Variants in TRIM37 observed in about 807,000 individuals in gnomAD.
TRIM37 encodes the protein E3 ubiquitin-protein ligase TRIM37.
TRIM37 carries 80 observed loss-of-function variants against 129.8 expected under a neutral mutation model. The ratio of observed to expected loss-of-function variants is 0.62; its 90% CI spans 0.51 to 0.74. The LOEUF (loss-of-function observed/expected upper bound fraction) is 0.74, where lower values mean the gene tolerates loss of function less well. Among genes scored for constraint, TRIM37 ranks in the 30% least tolerant of loss-of-function variants. The pLI, the probability that TRIM37 is intolerant of heterozygous loss-of-function variation, is 0.00. For missense variants in TRIM37, 1,054 were observed against 1,176.5 expected, an observed-to-expected ratio of 0.90 and a Z score of 1.52; for synonymous variants, 389 against 387.1, an observed-to-expected ratio of 1.00 and a Z score of -0.06.
intron 13 of TRIM37, among the ~76,000 whole-genome samples, chr17:59,055,382 CAT>C (rs900104472): frequency 1.1e-4 from 16 of 145,354 alleles, no homozygotes; most frequent in African/African-American, 2.6e-4. Flanking sequence ...GCAAATACCA[CAT>C]GTTCTCACTT....
At chr17:59,101,555 A>T (rs945377552) in intron 2 of TRIM37, among the ~76,000 whole-genome samples, 1 of 149,614 alleles carries the variant, frequency 6.7e-6, no homozygotes, top group African/African-American at 2.5e-5. Context: ...GCAGCGGCTC[A>T]TGCCTGTAAT....
At chr17:59,075,557 C>G (rs1242357042) in intron 8 of TRIM37, 90 bp downstream of exon 8, 18 of 815,320 alleles carry the variant, frequency 2.2e-5, no homozygotes, top group Non-Finnish European at 3.2e-5. Flanking sequence ...GAGAGAGACT[C>G]CATCTCAAAA....
At chr17:58,980,604 A>C (rs374085623), downstream of TRIM37, 1 of 1,614,094 alleles carries the variant, frequency 6.2e-7, no homozygotes, top group Non-Finnish European at 8.5e-7. This position sits in a 1 kb window ranked among gnomAD's most constrained non-coding sequence, Gnocchi z 4.7. Context: ...AAATCAGTTC[A>C]GTCATCATTG....
At chr17:58,983,324 C>CAT (rs2143862394) in intron 24 of TRIM37, 1 of 160,596 alleles carries the variant, frequency 6.2e-6, no homozygotes, top group South Asian at 1.9e-4. Context: ...AGTTAGGTAC[C>CAT]ATTTGTAAGG....
intron 8 of TRIM37, among the ~76,000 whole-genome samples, chr17:59,075,075 C>A (rs1291689753): frequency 1.3e-5 from 2 of 152,170 alleles, no homozygotes; most frequent in African/African-American, 4.8e-5. Context: ...ACCTCTTATA[C>A]ATTCAGATTT....
chr17:59,036,682 TATAAA>T (rs2038551096), intron 17 of TRIM37, among the ~76,000 whole-genome samples: 1 of 152,134 alleles, frequency 6.6e-6, no homozygotes, highest in Non-Finnish European at 1.5e-5. Flanking sequence ...TAATATGGTC[TATAAA>T]ATAAGATTAT....
intron 17 of TRIM37, among the ~76,000 whole-genome samples, chr17:59,038,671 A>G (rs1297922747): frequency 6.6e-6 from 1 of 152,140 alleles, no homozygotes; most frequent in Non-Finnish European, 1.5e-5. Context: ...TCTCTCTACC[A>G]CACAGTTTAA....
intron 17 of TRIM37, among the ~76,000 whole-genome samples, chr17:59,038,518 G>C (rs1483194197): frequency 6.6e-6 from 1 of 152,112 alleles, no homozygotes; most frequent in Non-Finnish European, 1.5e-5. Context: ...CATAAGAACA[G>C]GGATATCTTG....
intron 24 of TRIM37, among the ~76,000 whole-genome samples, chr17:58,992,600 G>C (rs1029473508): frequency 6.6e-6 from 1 of 152,094 alleles, no homozygotes. Flanking sequence ...GGCTGGTCTC[G>C]AACTCCCGAC....
intron 24 of TRIM37, chr17:58,983,198 T>G (rs1012556659): frequency 2.3e-5 from 8 of 342,992 alleles, no homozygotes; most frequent in African/African-American, 4.2e-5. Flanking sequence ...AACTCATTTC[T>G]CATGCCATTA....
At chr17:58,991,802 T>C (rs1459760396) in intron 24 of TRIM37, among the ~76,000 whole-genome samples, 1 of 152,142 alleles carries the variant, frequency 6.6e-6, no homozygotes, top group Non-Finnish European at 1.5e-5. Context: ...GGAACTCTCA[T>C]GTGCTACTGA....
intron 24 of TRIM37, among the ~76,000 whole-genome samples, chr17:58,987,794 A>G (rs978909107): frequency 3.3e-4 from 50 of 152,242 alleles, no homozygotes; most frequent in Non-Finnish European, 5.6e-4. Flanking sequence ...AACTAGATAA[A>G]AAAATTAAAA....
intron 16 of TRIM37, among the ~76,000 whole-genome samples, chr17:59,043,635 C>A (rs77690229): frequency 0.021 from 3,163 of 152,254 alleles, 43 homozygotes; most frequent in Middle Eastern, 0.044. Context: ...GGTGGAGACT[C>A]CCTTCTGCTG....
intron 22 of TRIM37, among the ~76,000 whole-genome samples, chr17:59,004,592 G>T (rs1402134373): frequency 6.6e-6 from 1 of 152,032 alleles, no homozygotes; most frequent in Non-Finnish European, 1.5e-5. Context: ...TCCAATATCA[G>T]GAATGAAAGA....
intron 5 of TRIM37, among the ~76,000 whole-genome samples, chr17:59,082,218 C>A (rs2043362159): frequency 6.6e-6 from 1 of 152,004 alleles, no homozygotes. Flanking sequence ...TTGGAGTGAG[C>A]TGAGATCACC....
intron 17 of TRIM37, among the ~76,000 whole-genome samples, chr17:59,039,751 G>C (rs1186183910): frequency 6.6e-6 from 1 of 152,116 alleles, no homozygotes; most frequent in Non-Finnish European, 1.5e-5. Flanking sequence ...AGGAATGACA[G>C]AAATAAGGCT....
At chr17:59,031,261 A>G (rs976355681) in intron 18 of TRIM37, among the ~76,000 whole-genome samples, 3 of 152,350 alleles carry the variant, frequency 2.0e-5, no homozygotes, top group Non-Finnish European at 2.9e-5. Context: ...TATTTGGCAT[A>G]TATTTTTGAA....
At chr17:59,038,861 G>C (rs2038836763) in intron 17 of TRIM37, among the ~76,000 whole-genome samples, 1 of 152,110 alleles carries the variant, frequency 6.6e-6, no homozygotes, top group Non-Finnish European at 1.5e-5. Flanking sequence ...GCAAGCACTG[G>C]CCTCAAGATA....
At chr17:59,085,909 T>C (rs1329644336) in intron 4 of TRIM37, among the ~76,000 whole-genome samples, 1 of 152,160 alleles carries the variant, frequency 6.6e-6, no homozygotes, top group Admixed American at 6.6e-5. Context: ...GAGGACATTA[T>C]GCTAAGTAAA....
Sources: allele counts gnomAD v4.1 joint callset (sites outside exome capture counted in the v4.1 genomes callset), GRCh38; gene constraint gnomAD v4.1.1; non-coding constraint Gnocchi (gnomAD v3.1); transcripts MANE v1.5; gene names NCBI Gene and HGNC (gene_info 2026-07-23, HGNC 2026-07-21).